The following NADSYN1 variants were observed in gnomAD, a reference collection of about 807,000 sequenced individuals.
NADSYN1 encodes the protein NAD synthetase 1.
NADSYN1 carries 80 observed loss-of-function variants against 99.3 expected under a neutral mutation model. The observed-to-expected ratio is 0.81, with a 90% CI of 0.67 to 0.97. NADSYN1 has a LOEUF of 0.97. Ranked by LOEUF, NADSYN1 falls within the 50% of genes least tolerant of loss-of-function variation. NADSYN1 has a pLI of 0.00. For synonymous variants in NADSYN1, 385 were observed against 372.1 expected (o/e 1.03, Z -0.40); for missense variants, 859 against 948.5 (o/e 0.91, Z 1.24).
intron 9 of NADSYN1, among the ~76,000 whole-genome samples, chr11:71,477,665 A>G (rs1346010909): frequency 1.3e-5 from 2 of 152,230 alleles, no homozygotes; most frequent in South Asian, 2.1e-4. Context: ...AACCCCTACC[A>G]TAGCCGGGTT....
At chr11:71,465,489 C>T (rs1949581824) in intron 5 of NADSYN1, among the ~76,000 whole-genome samples, 1 of 152,192 alleles carries the variant, frequency 6.6e-6, no homozygotes, top group African/African-American at 2.4e-5. Context: ...GGTGAAGTGC[C>T]ACTTCCATCT....
intron 16 of NADSYN1, among the ~76,000 whole-genome samples, chr11:71,485,883 A>G (rs945811154): frequency 2.6e-5 from 4 of 151,906 alleles, no homozygotes; most frequent in African/African-American, 4.8e-5. Context: ...CTTCATCTCT[A>G]CTGCGCCTCA....
intron 16 of NADSYN1, among the ~76,000 whole-genome samples, chr11:71,490,644 C>T (rs1211870699): frequency 6.6e-6 from 1 of 152,226 alleles, no homozygotes; most frequent in Admixed American, 6.5e-5. Flanking sequence ...CCCGGCGTCT[C>T]CTCTGGTGCA....
chr11:71,471,666 T>C (rs1041920069), intron 5 of NADSYN1, among the ~76,000 whole-genome samples: 20 of 152,124 alleles, frequency 1.3e-4, no homozygotes, highest in African/African-American at 4.8e-4. Flanking sequence ...GTGAATGGAG[T>C]GCTCAATATG....
chr11:71,470,541 G>A (rs985641596), intron 5 of NADSYN1, among the ~76,000 whole-genome samples: 2 of 152,126 alleles, frequency 1.3e-5, no homozygotes, highest in Non-Finnish European at 2.9e-5. Context: ...AATATATTTT[G>A]CAATAAAATT....
chr11:71,498,748 T>G (rs1949837487), intron 20 of NADSYN1: 3 of 465,740 alleles, frequency 6.4e-6, no homozygotes, highest in South Asian at 4.8e-5. Context: ...CAACATGACA[T>G]TTCGATATGT....
chr11:71,498,640 C>A, intron 20 of NADSYN1, 112 bp downstream of exon 20: 2 of 1,204,160 alleles, frequency 1.7e-6, no homozygotes, highest in South Asian at 1.5e-5. Context: ...AACTTTTTTA[C>A]TGTCCTCCTT....
intron 16 of NADSYN1, 97 bp from the exon 17 acceptor site, chr11:71,490,748 C>T: frequency 1.3e-6 from 2 of 1,528,818 alleles, no homozygotes; most frequent in South Asian, 1.2e-5. Context: ...ACACTTCTGG[C>T]TTCAGGGCCC....
intron 5 of NADSYN1, 124 bp downstream of exon 5, chr11:71,464,266 A>ACATTT (rs1355599741): frequency 1.3e-6 from 1 of 744,906 alleles, no homozygotes; most frequent in African/African-American, 1.8e-5. Context: ...TTTTGAACAA[A>ACATTT]GAATGGGACA....
At chr11:71,461,597 T>C (rs1949551131) in intron 3 of NADSYN1, among the ~76,000 whole-genome samples, 1 of 151,820 alleles carries the variant, frequency 6.6e-6, no homozygotes, top group South Asian at 2.1e-4. Context: ...CCCAGCTAAT[T>C]TTTGTATTTT....
intron 5 of NADSYN1, among the ~76,000 whole-genome samples, chr11:71,465,542 G>A (rs1949582236): frequency 2.0e-5 from 3 of 152,104 alleles, no homozygotes; most frequent in Admixed American, 2.0e-4. Flanking sequence ...TGACATTTGG[G>A]TCATTCTTTG....
intron 11 of NADSYN1, 76 bp from the exon 12 acceptor site, chr11:71,481,280 G>T (rs1327084758): frequency 6.7e-7 from 1 of 1,485,076 alleles, no homozygotes; most frequent in Non-Finnish European, 9.4e-7. Context: ...GCCTCCTGGG[G>T]CCTGCTTGGG....
chr11:71,464,119 G>A lies in NADSYN1; in HGVS notation c.384G>A (p.Trp128Ter). The change falls in exon 5 of 21, where the codon TGG (tryptophan) becomes TGA (stop). Residue 128 changes from tryptophan to a stop codon, truncating the protein, a stop_gained. Coordinates refer to ENST00000319023, the MANE Select transcript of NADSYN1 (RefSeq NM_018161.5). LOFTEE classifies it high-confidence loss of function. ...AAGGCAACTACCGCGAGCTGCGCTG[G>A]TTCACCCCGTGGTCGAGGAGTCGGT... ...ANEGNYRELR[W>*]FTPWSRSRHT... 2 of 1,611,428 alleles carry A rather than the reference G, an allele frequency of 1.2e-6. No individual in the cohort carries two copies. The highest frequency in any genetic ancestry group is 1.1e-5 in the South Asian group (1 of 90,322).
intron 3 of NADSYN1, among the ~76,000 whole-genome samples, chr11:71,462,566 C>T (rs971931478): frequency 3.9e-5 from 6 of 152,144 alleles, no homozygotes; most frequent in African/African-American, 1.4e-4. Flanking sequence ...AGTTAGGACC[C>T]CCTCGGGCTG....
chr11:71,488,015 G>A (rs1028287563), intron 16 of NADSYN1, among the ~76,000 whole-genome samples: 1 of 151,998 alleles, frequency 6.6e-6, no homozygotes, highest in African/African-American at 2.4e-5. Flanking sequence ...TTCTTCTCAC[G>A]GGTCACAGCC....
chr11:71,488,620 G>C (rs12576621), intron 16 of NADSYN1, among the ~76,000 whole-genome samples: 1 of 151,518 alleles, frequency 6.6e-6, no homozygotes, highest in East Asian at 2.0e-4. Context: ...CAGGATAGGC[G>C]CTGCAGAGAT....
In NADSYN1 at chr11:71,473,469, C is replaced by T. The variant is rs150867658; in HGVS notation, c.549-100C>T. 5,324 of 1,534,058 alleles carry T rather than the reference C, an allele frequency of 3.5e-3. 14 individuals carry two copies. Among genetic ancestry groups the T allele is most frequent in the Non-Finnish European group, 4.3e-3 (4,761 of 1,112,828 alleles). On this transcript the variant is annotated intron_variant, in intron 7 of 20. Coordinates refer to ENST00000319023, the MANE Select transcript of NADSYN1 (RefSeq NM_018161.5). ...CTGGGGCCGTGGCCGTGGCCGTGGC[C>T]GTGGGCTGGGAGCTGCCGTGGGAGA...
chr11:71,473,379 C>T lies in NADSYN1; in HGVS notation c.548+13C>T, dbSNP rs1215978898. 3.7e-6 allele frequency: 6 copies of T among 1,612,318 alleles called. No homozygotes were observed. The highest frequency in any genetic ancestry group is 1.7e-5 in the Admixed American group (1 of 60,020). The stretch of plus-strand genomic sequence containing the variant: ...GGACACCCCACAGGTCAGCCCCATG[C>T]CCCTGTGCTGTCTGATCGCCCACCT... On this transcript the variant is annotated intron_variant, in intron 7 of 20. Transcript: ENST00000319023.
chr11:71,482,117 C>A, intron 13 of NADSYN1, 92 bp downstream of exon 13: 3 of 1,144,702 alleles, frequency 2.6e-6, no homozygotes, highest in South Asian at 1.4e-5. Flanking sequence ...AGGAAACACC[C>A]GTGCCATGGA....
Sources: gnomAD v4.1 joint callset for allele counts (sites outside exome capture counted in the v4.1 genomes callset) on GRCh38, gnomAD v4.1.1 for gene constraint, MANE v1.5 for transcripts, NCBI Gene and HGNC (gene_info 2026-07-23, HGNC 2026-07-21) for gene names.